The following NSRP1 variants were observed in gnomAD, a reference collection of about 807,000 sequenced individuals.
The protein encoded by NSRP1 is nuclear speckle splicing regulatory protein 1, also known as coiled-coil domain containing 55.
In NSRP1, 24 loss-of-function variants were observed where a neutral mutation model predicts 54.7. The observed-to-expected ratio is 0.44, with a 90% CI of 0.32 to 0.62. The LOEUF (loss-of-function observed/expected upper bound fraction) is 0.62. NSRP1 is among the 20% of genes least tolerant of loss of function. NSRP1 has a pLI of 0.06. For missense variants in NSRP1, 596 were observed against 651.2 expected (o/e 0.92, Z 0.92); for synonymous variants, 210 against 213.8 (o/e 0.98, Z 0.15).
chr17:30,165,315 A>G (rs1234027710), intron 2 of NSRP1, among the ~76,000 whole-genome samples: 1 of 152,210 alleles, frequency 6.6e-6, no homozygotes, highest in Admixed American at 6.5e-5. Context: ...ATACATGCAC[A>G]GATGTGTATG....
At chr17:30,157,499 A>C (rs1472609290) in intron 2 of NSRP1, among the ~76,000 whole-genome samples, 1 of 152,178 alleles carries the variant, frequency 6.6e-6, no homozygotes, top group Admixed American at 6.5e-5. Context: ...TGTACATATT[A>C]TTATTGCTAA....
intron 2 of NSRP1, among the ~76,000 whole-genome samples, chr17:30,159,358 T>TG (rs1567800555): frequency 7.2e-5 from 11 of 151,912 alleles, no homozygotes; most frequent in Middle Eastern, 3.4e-3. Context: ...GAGGTTTTTT[T>TG]TGTGTGTGTG....
intron 2 of NSRP1, among the ~76,000 whole-genome samples, chr17:30,161,586 C>T (rs942006355): frequency 2.1e-4 from 32 of 151,992 alleles, no homozygotes; most frequent in Non-Finnish European, 4.1e-4. Context: ...GAAAATTTTC[C>T]TTTTATGATG....
In NSRP1 at chr17:30,171,970, ACACT is replaced by A. The variant is rs1364796613; in HGVS notation, c.115-570_115-567del. Among the ~76,000 whole-genome samples, 4 of 99,156 alleles carry A rather than the reference ACACT, an allele frequency of 4.0e-5. No individual in the cohort carries two copies. The East Asian group carries it at 9.9e-4, about 24-fold the overall frequency. 65.1% of individuals were successfully genotyped at this position (99,156 alleles called of 152,430 possible). A position where few individuals can be genotyped will look rare whatever the true frequency, so the allele number is the denominator to read the frequency against. The stretch of plus-strand genomic sequence containing the variant: ...CACACACACACACACACACACACAC[ACACT>A]CCCTCTCTCTCTCTCTCTCTCTCTC... On this transcript the variant is annotated intron_variant, in intron 2 of 6. Transcript: ENST00000247026.
At position 30,184,919 on chromosome 17, in the gene NSRP1, C is replaced by T. The variant is rs766687348; in HGVS notation, c.922C>T (p.Arg308Ter). The stretch of plus-strand genomic sequence containing the variant: ...TACCAGGCACCACACGAAAGGATCA[C>T]GAACGTCGAGAGGACATGAGAAAAG... ...HSTRHHTKGS[R>*]TSRGHEKRED... Residue 308 changes from arginine (R) to a stop codon, truncating the protein, a stop_gained, in exon 7 of 7, where the codon CGA becomes TGA. Coordinates refer to ENST00000247026, the MANE Select transcript of NSRP1 (RefSeq NM_032141.4). LOFTEE classifies it high-confidence loss of function. The T allele has an allele frequency of 1.2e-6, 2 of 1,613,986 alleles. No homozygotes were observed. The highest frequency in any genetic ancestry group is 1.7e-6 in the Non-Finnish European group (2 of 1,180,006).
chr17:30,119,583 A>T (rs568720144), intron 2 of NSRP1, among the ~76,000 whole-genome samples: 1 of 147,164 alleles, frequency 6.8e-6, no homozygotes, highest in East Asian at 2.0e-4. Context: ...GCTCATTGCA[A>T]CCTCCGCCTC....
At chr17:30,160,930 T>C (rs1904490048) in intron 2 of NSRP1, among the ~76,000 whole-genome samples, 1 of 152,192 alleles carries the variant, frequency 6.6e-6, no homozygotes, top group South Asian at 2.1e-4. Context: ...CTAAGGGGCT[T>C]TGTTAGGATT....
chr17:30,160,410 A>T (rs1310907830), intron 2 of NSRP1, among the ~76,000 whole-genome samples: 1 of 152,212 alleles, frequency 6.6e-6, no homozygotes, highest in African/African-American at 2.4e-5. Context: ...AGACTTTGGC[A>T]GTGAAGCCAT....
At chr17:30,166,616 C>T (rs946093216) in intron 2 of NSRP1, among the ~76,000 whole-genome samples, 8 of 152,086 alleles carry the variant, frequency 5.3e-5, no homozygotes, top group Non-Finnish European at 8.8e-5. Context: ...AAGTACAATA[C>T]GTTTTTGTTA....
intron 1 of NSRP1, 176 bp from the exon 2 acceptor site, chr17:30,117,904 A>G: frequency 1.9e-6 from 1 of 533,750 alleles, no homozygotes; most frequent in Non-Finnish European, 3.3e-6. Context: ...GTAATTATAG[A>G]ATCTTACGGC....
intron 2 of NSRP1, among the ~76,000 whole-genome samples, chr17:30,141,286 G>T (rs546091548): frequency 1.3e-5 from 2 of 151,816 alleles, no homozygotes; most frequent in South Asian, 4.1e-4. Flanking sequence ...TTCTTCTTCA[G>T]TGCTGCATTG....
chr17:30,184,683 A>G lies in NSRP1; in HGVS notation c.686A>G (p.Gln229Arg). 1 of 1,611,816 alleles carries G rather than the reference A, an allele frequency of 6.2e-7. No individual in the cohort carries two copies. The highest frequency in any genetic ancestry group is 8.5e-7 in the Non-Finnish European group (1 of 1,179,188). The change falls in exon 7 of 7, where the codon CAA becomes CGA. Residue 229 changes from glutamine to arginine, a missense_variant. Transcript: ENST00000247026. ...NEVSSKNRIP[Q>R]EKCILQTDVK... is the part of the protein sequence containing the mutation. ...GTAAGTTCAAAAAACAGAATACCACAAGAGAAATGCATTCTTCAAACTGAT... is the reference window on the plus strand; with the variant it reads ...GTAAGTTCAAAAAACAGAATACCACGAGAGAAATGCATTCTTCAAACTGAT...
chr17:30,184,294 C>T (rs1905423651), intron 6 of NSRP1, among the ~76,000 whole-genome samples: 1 of 152,112 alleles, frequency 6.6e-6, no homozygotes. Flanking sequence ...ATTACTTTTC[C>T]CAATTATTCT....
At chr17:30,156,135 C>T (rs9908198) in intron 2 of NSRP1, among the ~76,000 whole-genome samples, 1,724 of 150,084 alleles carry the variant, frequency 0.011, 39 homozygotes, top group African/African-American at 0.04. Context: ...CCACCACGCC[C>T]GGCCCATCTC....
intron 2 of NSRP1, among the ~76,000 whole-genome samples, chr17:30,135,177 G>A (rs1025102704): frequency 1.3e-5 from 2 of 152,026 alleles, no homozygotes; most frequent in African/African-American, 4.8e-5. Context: ...GGAGTGAAGT[G>A]GTGCAGTGAC....
intron 2 of NSRP1, among the ~76,000 whole-genome samples, chr17:30,120,360 C>T (rs576426525): frequency 9.9e-5 from 15 of 152,140 alleles, no homozygotes; most frequent in Non-Finnish European, 1.5e-4. Flanking sequence ...TCCATTTCTG[C>T]GTAGCCAACT....
At chr17:30,120,458 A>G (rs2071586814) in intron 2 of NSRP1, among the ~76,000 whole-genome samples, 2 of 152,222 alleles carry the variant, frequency 1.3e-5, no homozygotes, top group Non-Finnish European at 2.9e-5. Context: ...GATATTTAAT[A>G]CCTACAATAG....
At chr17:30,148,584 G>C (rs563544604) in intron 2 of NSRP1, among the ~76,000 whole-genome samples, 5 of 152,188 alleles carry the variant, frequency 3.3e-5, no homozygotes, top group African/African-American at 9.7e-5. Context: ...GGAAAGGAAG[G>C]GAAACAGTTT....
In NSRP1 at chr17:30,163,314, C is replaced by A. The variant is rs533373913; in HGVS notation, c.115-9228C>A. Among the ~76,000 whole-genome samples, 31 of 151,166 alleles carry A rather than the reference C, an allele frequency of 2.1e-4. No homozygotes were observed. In the South Asian group the frequency reaches 6.3e-3, roughly 31 times the overall value. ...TCTCGAACTACTGAGCTCAAGCGAT[C>A]CACCCTCCTCGGCCTCCCAGAGTGC... On this transcript the variant is annotated intron_variant, in intron 2 of 6. Transcript: ENST00000247026.
Sources: allele counts gnomAD v4.1 joint callset (sites outside exome capture counted in the v4.1 genomes callset), GRCh38; gene constraint gnomAD v4.1.1; transcripts MANE v1.5; gene names NCBI Gene and HGNC (gene_info 2026-07-23, HGNC 2026-07-21).